Variants in SACS observed in about 807,000 individuals in gnomAD.
The protein encoded by SACS is sacsin molecular chaperone.
A neutral mutation model predicts 348.0 loss-of-function variants in SACS; 197 were observed. The observed-to-expected ratio is 0.57, with a 90% CI of 0.50 to 0.64. The LOEUF is 0.64. SACS is among the 30% of genes least tolerant of loss of function. SACS has a pLI of 0.00. For missense variants in SACS, 4,999 were observed against 5,360.8 expected, an observed-to-expected ratio of 0.93 and a Z score of 2.11; for synonymous variants, 1,985 against 1,910.6, an observed-to-expected ratio of 1.04 and a Z score of -1.02.
In SACS at chr13:23,333,026, G is replaced by A; in HGVS notation, c.10850C>T (p.Ser3617Phe). 1.2e-6 allele frequency: 2 copies of A among 1,613,884 alleles called. No individual in the cohort carries two copies. The highest frequency in any genetic ancestry group is 1.1e-5 in the South Asian group (1 of 91,070). Residue 3617 changes from serine (S) to phenylalanine (F), a missense_variant, in exon 10 of 10, where the codon TCC (serine) becomes TTC (phenylalanine). Physicochemically the swap from Ser to Phe is radical, Grantham distance 155 (BLOSUM62 -2). Around this residue, in one of 6 missense-constraint regions of SACS, gnomAD observed 831 missense variants for 941.8 expected, o/e 0.88. Transcript: ENST00000382292. ...ISVRANTENWSKETLQNTVDI... is the reference protein window; with the variant it reads ...ISVRANTENWFKETLQNTVDI... Reference sequence around the variant, plus strand: ...AACTGTATTTTGCAATGTTTCTTTGGACCAGTTTTCTGTATTAGCCCTCAC... The same window carrying A: ...AACTGTATTTTGCAATGTTTCTTTGAACCAGTTTTCTGTATTAGCCCTCAC...
At position 23,340,809 on chromosome 13, in the gene SACS, GA is replaced by G. The variant is rs1057516767; in HGVS notation, c.3066del (p.Asn1025MetfsTer10). The G allele has an allele frequency of 6.2e-7, 1 of 1,600,712 alleles. No individual in the cohort carries two copies. Among genetic ancestry groups the G allele is most frequent in the African/African-American group, 1.3e-5 (1 of 74,244 alleles). On this transcript the variant is annotated frameshift_variant, in exon 10 of 10. Coordinates refer to ENST00000382292, the MANE Select transcript of SACS (RefSeq NM_014363.6). LOFTEE classifies it high-confidence loss of function. ...AGCACATTTGGATTCTCATTTTTAA[GA>G]GAAGATAGATTCTCAAGGACCCATA... Reference protein sequence around the residue: ...LMLWVLENLSSLKNENPNVLE... With the variant: ...LMLWVLENLSXLKNENPNVLE...
At chr13:23,364,989 A>C (rs1442819723) in intron 6 of SACS, among the ~76,000 whole-genome samples, 177 bp downstream of exon 6, 1 of 152,246 alleles carries the variant, frequency 6.6e-6, no homozygotes, top group African/African-American at 2.4e-5. Context: ...TTCTCTAAAA[A>C]TACCAACTGG....
At chr13:23,408,101 T>C (rs994620026) in intron 2 of SACS, among the ~76,000 whole-genome samples, 2 of 152,166 alleles carry the variant, frequency 1.3e-5, no homozygotes, top group East Asian at 3.8e-4. Flanking sequence ...TTTACTATTT[T>C]AATAGGTGTC....
At chr13:23,422,304 T>G (rs1873983622) in intron 1 of SACS, among the ~76,000 whole-genome samples, 1 of 152,162 alleles carries the variant, frequency 6.6e-6, no homozygotes, top group African/African-American at 2.4e-5. Flanking sequence ...GTGATGTGCT[T>G]TATTATATCA....
At chr13:23,395,052 A>C (rs9510719) in intron 2 of SACS, among the ~76,000 whole-genome samples, 30,144 of 152,132 alleles carry the variant, frequency 0.2, 3,347 homozygotes, top group Non-Finnish European at 0.25. Flanking sequence ...GATTGAGTAT[A>C]CTGTAGAAGC....
rs528356410 is a variant in SACS, at chr13:23,405,070, A to G, written c.20+6150T>C. ...ATTAGAAAAAACTACTTTAAATTTC[A>G]TATGGAACCAAAAAAGAGCCCGTAT... is the stretch of plus-strand genomic sequence containing the variant. On this transcript the variant is annotated intron_variant, in intron 2 of 9. Coordinates refer to ENST00000382292, the MANE Select transcript of SACS (RefSeq NM_014363.6). 2.7e-4 allele frequency among the ~76,000 whole-genome samples: 41 copies of G among 152,354 alleles called. 1 individual carries two copies. Among genetic ancestry groups the G allele is most frequent in the Middle Eastern group, 6.8e-3 (2 of 294 alleles).
At chr13:23,406,326 C>T (rs920745500) in intron 2 of SACS, among the ~76,000 whole-genome samples, 4 of 150,654 alleles carry the variant, frequency 2.7e-5, no homozygotes, top group Admixed American at 1.3e-4. Flanking sequence ...GGGAGTTGAA[C>T]GATGAAAACA....
At position 23,355,733 on chromosome 13, in the gene SACS, A is replaced by C. The variant is rs1870337574; in HGVS notation, c.879T>G (p.Leu293=). Residue 293 remains leucine, a synonymous_variant, in exon 8 of 10, where the codon CTT becomes CTG. Transcript: ENST00000382292. ...SSNLYNKQKV[L]ELFESFRADA... is the part of the protein sequence containing the mutation. Reference sequence around the variant, plus strand: ...CTGCCCTAAAAGACTCAAACAACTCAAGAACCTTCTGCTTATTGTAGAGGT... The same window carrying C: ...CTGCCCTAAAAGACTCAAACAACTCCAGAACCTTCTGCTTATTGTAGAGGT... 1.2e-6 allele frequency: 2 copies of C among 1,614,194 alleles called. No homozygotes were observed. Among genetic ancestry groups the C allele is most frequent in the East Asian group, 4.5e-5 (2 of 44,884 alleles).
chr13:23,402,111 G>A (rs971012286), intron 2 of SACS, among the ~76,000 whole-genome samples: 5 of 151,770 alleles, frequency 3.3e-5, no homozygotes, highest in Non-Finnish European at 5.9e-5. Flanking sequence ...CTGGAAGGCG[G>A]AGCTTGCAGT....
chr13:23,433,216 T>C (rs186888003), intron 1 of SACS, among the ~76,000 whole-genome samples: 7 of 152,300 alleles, frequency 4.6e-5, no homozygotes, highest in Admixed American at 2.6e-4. Flanking sequence ...GCTGTGTTAC[T>C]GCAACAGCTC....
At chr13:23,399,149 C>A (rs1294871919) in intron 2 of SACS, among the ~76,000 whole-genome samples, 2 of 152,050 alleles carry the variant, frequency 1.3e-5, no homozygotes, top group African/African-American at 4.8e-5. Context: ...ATCTAAACGG[C>A]ATCAGCCTGA....
chr13:23,400,698 G>T (rs578020157), intron 2 of SACS, among the ~76,000 whole-genome samples: 4 of 152,328 alleles, frequency 2.6e-5, no homozygotes, highest in African/African-American at 9.6e-5. Context: ...GTGATTACAG[G>T]CGTGAGCCAC....
intron 2 of SACS, among the ~76,000 whole-genome samples, chr13:23,399,120 TTAA>T (rs1872844364): frequency 6.6e-6 from 1 of 151,680 alleles, no homozygotes; most frequent in Admixed American, 6.6e-5. Context: ...AAAGTTCACC[TTAA>T]TAAAAAAACA....
intron 7 of SACS, among the ~76,000 whole-genome samples, chr13:23,357,672 A>G (rs17378897): frequency 0.089 from 13,492 of 152,306 alleles, 779 homozygotes; most frequent in South Asian, 0.13. Flanking sequence ...TCACAAAACT[A>G]TAATCAGTAC....
intron 1 of SACS, among the ~76,000 whole-genome samples, chr13:23,413,220 C>T (rs1873565128): frequency 6.6e-6 from 1 of 152,198 alleles, no homozygotes; most frequent in African/African-American, 2.4e-5. Context: ...TCAGGTGATG[C>T]GCCTGCCCTA....
chr13:23,371,528 C>T lies in SACS; in HGVS notation c.172-363G>A, dbSNP rs114160349. Among the ~76,000 whole-genome samples the T allele has an allele frequency of 6.4e-3, 981 of 152,210 alleles. 12 individuals carry two copies. Among genetic ancestry groups the T allele is most frequent in the African/African-American group, 0.023 (935 of 41,508 alleles). ...AACAGAGCTCCATGAGACCTCAACA[C>T]ATATTAGAGGACCAAAAAAAATTGT... On this transcript the variant is annotated intron_variant, in intron 3 of 9. Coordinates refer to ENST00000382292, the MANE Select transcript of SACS (RefSeq NM_014363.6).
At chr13:23,359,531 A>G (rs1393203788) in intron 6 of SACS, among the ~76,000 whole-genome samples, 2 of 152,202 alleles carry the variant, frequency 1.3e-5, no homozygotes, top group Non-Finnish European at 1.5e-5. Context: ...ATGTAAAATA[A>G]TATCAACTAT....
rs1467988133 is a variant in SACS at position 23,358,289 on chromosome 13, G to GAT, written c.604+44_604+45dup. ...TAACCAAATACATTACAGAATGTAA[G>GAT]ATATAATATTTTCTAATACCAAGAC... On this transcript the variant is annotated intron_variant, in intron 7 of 9. Coordinates refer to ENST00000382292, the MANE Select transcript of SACS (RefSeq NM_014363.6). The GAT allele has an allele frequency of 3.2e-6, 5 of 1,579,374 alleles. No individual in the cohort carries two copies. The East Asian group carries it at 1.1e-4, about 35-fold the overall frequency.
intron 1 of SACS, among the ~76,000 whole-genome samples, chr13:23,425,718 C>T (rs1036518911): frequency 6.6e-6 from 1 of 152,076 alleles, no homozygotes; most frequent in Non-Finnish European, 1.5e-5. Context: ...TAAGTTGCCC[C>T]GACTGCTCTG....
Sources: gnomAD v4.1 joint callset for allele counts (sites outside exome capture counted in the v4.1 genomes callset) on GRCh38, gnomAD v4.1.1 for gene constraint, gnomAD v4.1.1 regional missense constraint, MANE v1.5 for transcripts, NCBI Gene and HGNC (gene_info 2026-07-23, HGNC 2026-07-21) for gene names.